EPRS1: variants seen among roughly 807,000 people sequenced by gnomAD.
EPRS1 encodes glutamyl-prolyl-tRNA synthetase 1, also known as bifunctional glutamate/proline--tRNA ligase.
In EPRS1, 107 loss-of-function variants were observed where a neutral mutation model predicts 188.3. That is an observed-to-expected ratio of 0.57 (90% CI 0.49 to 0.67). EPRS1 has a LOEUF of 0.67. Among genes scored for constraint, EPRS1 ranks in the 30% least tolerant of loss-of-function variants. The pLI is 0.00. For synonymous variants in EPRS1, 596 were observed against 593.1 expected, an observed-to-expected ratio of 1.00 and a Z score of -0.07; for missense variants, 1,577 against 1,802.2, an observed-to-expected ratio of 0.88 and a Z score of 2.26.
At position 220,022,522 on chromosome 1, in the gene EPRS1, TA is replaced by T. The variant is rs769663554; in HGVS notation, c.944-5del. On this transcript the variant is annotated splice_polypyrimidine_tract_variant and splice_region_variant and intron_variant, in intron 8 of 31. Coordinates refer to ENST00000366923, the MANE Select transcript of EPRS1 (RefSeq NM_004446.3). ...ATTTGTAGATTCTTCTCAATAGCTA[TA>T]AAATGATAATTACATTACGGTTCAC... The T allele has an allele frequency of 9.4e-6, 15 of 1,603,522 alleles. No homozygotes were observed. The South Asian group carries it at 1.7e-4, about 18-fold the overall frequency.
intron 7 of EPRS1, among the ~76,000 whole-genome samples, chr1:220,024,789 G>C (rs148352093): frequency 5.6e-4 from 85 of 152,212 alleles, no homozygotes; most frequent in African/African-American, 2.0e-3. Flanking sequence ...AAGAGGCTAG[G>C]AAACCTTCAC....
intron 23 of EPRS1, 122 bp downstream of exon 23, chr1:219,982,650 C>T (rs560471467): frequency 4.2e-6 from 3 of 717,232 alleles, no homozygotes; most frequent in African/African-American, 3.6e-5. Flanking sequence ...CATCAACATT[C>T]ATGAAATGTT....
intron 5 of EPRS1, among the ~76,000 whole-genome samples, chr1:220,031,024 G>A (rs760779940): frequency 5.9e-5 from 9 of 151,638 alleles, no homozygotes; most frequent in South Asian, 4.1e-4. Context: ...CCTGGGAGAC[G>A]GAGGCTGCAG....
intron 17 of EPRS1, among the ~76,000 whole-genome samples, chr1:220,000,625 T>A (rs1212950091): frequency 6.6e-6 from 1 of 152,234 alleles, no homozygotes; most frequent in African/African-American, 2.4e-5. Flanking sequence ...TTAAAACTTC[T>A]CAATTTTTAG....
intron 12 of EPRS1, among the ~76,000 whole-genome samples, chr1:220,014,570 C>G (rs1363169952): frequency 6.6e-6 from 1 of 152,178 alleles, no homozygotes; most frequent in African/African-American, 2.4e-5. Context: ...TTATAAAACC[C>G]TCAGCAGTCT....
At chr1:219,990,591 T>A (rs370090805) in intron 18 of EPRS1, among the ~76,000 whole-genome samples, 19 of 152,250 alleles carry the variant, frequency 1.2e-4, no homozygotes, top group East Asian at 7.7e-4. Flanking sequence ...ATCCCGAGTT[T>A]ATTCCAGAGG....
intron 18 of EPRS1, among the ~76,000 whole-genome samples, chr1:219,991,522 G>A (rs1661122294): frequency 6.6e-6 from 1 of 152,178 alleles, no homozygotes; most frequent in Non-Finnish European, 1.5e-5. Flanking sequence ...CTGAGTGAGG[G>A]AAGAGAGTGA....
chr1:219,970,489 A>C (rs1660643960), intron 30 of EPRS1, among the ~76,000 whole-genome samples: 1 of 152,112 alleles, frequency 6.6e-6, no homozygotes, highest in South Asian at 2.1e-4. Context: ...TAAAAGTAGG[A>C]AGTTTAAGGC....
At chr1:220,028,904 A>G (rs1310334387) in intron 6 of EPRS1, among the ~76,000 whole-genome samples, 2 of 152,190 alleles carry the variant, frequency 1.3e-5, no homozygotes, top group Non-Finnish European at 2.9e-5. Context: ...CATAGTAAAA[A>G]AAACTAAATA....
At chr1:220,004,607 A>G (rs1225794687) in intron 16 of EPRS1, among the ~76,000 whole-genome samples, 1 of 152,156 alleles carries the variant, frequency 6.6e-6, no homozygotes. Flanking sequence ...CAAAGATGAC[A>G]CCTAGATCCT....
intron 2 of EPRS1, among the ~76,000 whole-genome samples, chr1:220,035,883 CGAAG>C (rs1006816180): frequency 4.6e-5 from 7 of 151,964 alleles, no homozygotes; most frequent in Non-Finnish European, 7.4e-5. Context: ...AAAGAGGCTA[CGAAG>C]GCAGATCAAA....
intron 11 of EPRS1, among the ~76,000 whole-genome samples, 196 bp from the exon 12 acceptor site, chr1:220,018,704 T>G (rs1661792785): frequency 6.6e-6 from 1 of 152,010 alleles, no homozygotes; most frequent in South Asian, 2.1e-4. Flanking sequence ...AGGTTCAGTC[T>G]ACAGACTGCT....
At chr1:220,003,966 G>A (rs1236356152) in intron 16 of EPRS1, among the ~76,000 whole-genome samples, 3 of 152,190 alleles carry the variant, frequency 2.0e-5, no homozygotes, top group Non-Finnish European at 4.4e-5. Flanking sequence ...CTCAAGAGAC[G>A]CCGTAACATG....
chr1:219,989,496 C>T (rs1661078516), intron 18 of EPRS1, among the ~76,000 whole-genome samples: 1 of 151,706 alleles, frequency 6.6e-6, no homozygotes, highest in African/African-American at 2.4e-5. Flanking sequence ...CACCACAAAC[C>T]AGTGTACCAC....
intron 17 of EPRS1, 93 bp downstream of exon 17, chr1:220,001,045 G>A (rs1661340039): frequency 2.6e-6 from 2 of 780,620 alleles, no homozygotes; most frequent in Admixed American, 1.9e-5. Flanking sequence ...AGTCTCCACA[G>A]TAAGAAAGAT....
chr1:220,024,189 C>A, intron 8 of EPRS1, 75 bp downstream of exon 8: 7 of 1,058,382 alleles, frequency 6.6e-6, no homozygotes, highest in Non-Finnish European at 9.2e-6. Flanking sequence ...GCAGCTTTCA[C>A]AAAAAAGAAA....
chr1:219,991,824 T>C (rs3767669), intron 18 of EPRS1, among the ~76,000 whole-genome samples: 30,193 of 152,066 alleles, frequency 0.2, 3,789 homozygotes, highest in East Asian at 0.34. Flanking sequence ...TATTTTTCTC[T>C]GATACAAATC....
At chr1:220,005,838 TTTG>T (rs1386244120) in intron 15 of EPRS1, among the ~76,000 whole-genome samples, 608 of 8,772 alleles carry the variant, frequency 0.069, 39 homozygotes, top group East Asian at 0.38. Context: ...TGTTTTTTTT[TTTG>T]TTTTTTTTTG....
At chr1:220,041,467 C>A (rs559769439) in intron 1 of EPRS1, among the ~76,000 whole-genome samples, 1 of 152,276 alleles carries the variant, frequency 6.6e-6, no homozygotes, top group African/African-American at 2.4e-5. Flanking sequence ...CTCATGTAGT[C>A]CACAGCTCAA....
Sources: allele counts gnomAD v4.1 joint callset (sites outside exome capture counted in the v4.1 genomes callset), GRCh38; gene constraint gnomAD v4.1.1; transcripts MANE v1.5; gene names NCBI Gene and HGNC (gene_info 2026-07-23, HGNC 2026-07-21).